SOX10: variants seen among roughly 807,000 people sequenced by gnomAD.
SOX10 encodes the protein SRY-box transcription factor 10.
SOX10 carries 3 observed loss-of-function variants against 35.0 expected under a neutral mutation model. The observed-to-expected ratio is 0.09, with a 90% CI of 0.04 to 0.22. The LOEUF (loss-of-function observed/expected upper bound fraction) is 0.22, where lower values mean the gene tolerates loss of function less well. Among genes scored for constraint, SOX10 ranks in the 10% least tolerant of loss-of-function variants. SOX10 has a pLI of 1.00. For missense variants in SOX10, 436 were observed against 655.1 expected (o/e 0.67, Z 3.65); for synonymous variants, 285 against 291.0 (o/e 0.98, Z 0.21).
intron 2 of SOX10, among the ~76,000 whole-genome samples, chr22:37,981,065 T>C (rs1451589737): frequency 6.6e-6 from 1 of 152,224 alleles, no homozygotes. Context: ...TTAGAATGAC[T>C]GTTGGGGCTG....
In SOX10 at chr22:37,978,832, A is replaced by G. The variant is rs1932305718; in HGVS notation, c.429-697T>C. Among the ~76,000 whole-genome samples, 1 of 151,858 alleles carries G rather than the reference A, an allele frequency of 6.6e-6. No homozygotes were observed. Among genetic ancestry groups the G allele is most frequent in the Non-Finnish European group, 1.5e-5 (1 of 67,966 alleles). On this transcript the variant is annotated intron_variant, in intron 2 of 3. Transcript: ENST00000396884. This position sits in a 1 kb window ranked among gnomAD's most constrained non-coding sequence, Gnocchi z 5.0. ...CACTCTGTCACCCATGCTAGAGCTC[A>G]GTGGTATGATCTCAGCTCACTGCAA...
At position 37,974,347 on chromosome 22, in the gene SOX10, G is replaced by GTT. The variant is rs916489152; in HGVS notation, c.698-151_698-150dup. ...TTCACATTTTGGCAGCATGAGTCGG[G>GTT]TTTTTTTTTGTTTTTTTTTTTTGAG... On this transcript the variant is annotated intron_variant, in intron 3 of 3. Transcript: ENST00000396884. The surrounding 1 kb of genome is among the most constrained non-coding windows in gnomAD (Gnocchi z 5.4). 4.7e-4 allele frequency: 274 copies of GTT among 583,812 alleles called. 2 individuals are homozygous for GTT. The African/African-American group carries it at 4.8e-3, about 10-fold the overall frequency. 36.2% of individuals were successfully genotyped at this position (583,812 alleles called of 1,614,324 possible). A position where few individuals can be genotyped will look rare whatever the true frequency, so the allele number is the denominator to read the frequency against.
chr22:37,979,725 G>A (rs1932337277), intron 2 of SOX10, among the ~76,000 whole-genome samples: 1 of 152,136 alleles, frequency 6.6e-6, no homozygotes. Context: ...GTTGGAGGGT[G>A]GAGGGCATTT....
chr22:37,982,393 G>A (rs576253688), intron 2 of SOX10, among the ~76,000 whole-genome samples: 14 of 152,224 alleles, frequency 9.2e-5, no homozygotes, highest in Admixed American at 7.8e-4. Flanking sequence ...TGGCACTCCC[G>A]GGTGGGAGTG....
rs2145777154 is a variant in SOX10 at position 37,983,498 on chromosome 22, C to T, written c.287G>A (p.Gly96Asp). ...TLVPMPVRVN[G>D]ASKSKPHVKR... ...GACGTGCGGCTTGCTTTTGCTGGCG[C>T]CGTTGACGCGCACGGGCATGGGCAC... is the stretch of plus-strand genomic sequence containing the variant. Residue 96 changes from glycine to aspartate, a missense_variant, in exon 2 of 4, where the codon GGC becomes GAC. Transcript: ENST00000396884. This position sits in a 1 kb window ranked among gnomAD's most constrained non-coding sequence, Gnocchi z 9.5. 5 of 1,611,262 alleles carry T rather than the reference C, an allele frequency of 3.1e-6. No homozygotes were observed. Among genetic ancestry groups the T allele is most frequent in the South Asian group, 1.1e-5 (1 of 90,798 alleles).
At chr22:37,976,580 A>G (rs1035934750) in intron 3 of SOX10, among the ~76,000 whole-genome samples, 2 of 152,172 alleles carry the variant, frequency 1.3e-5, no homozygotes, top group African/African-American at 4.8e-5. Flanking sequence ...CTTTCTGTAC[A>G]TTAGGAACAC....
chr22:37,980,768 T>C lies in SOX10; in HGVS notation c.428+2589A>G, dbSNP rs977153552. ...GGAATGGGGGCAAGAAGAGGTAGGCTGATTCCTCACCCAAACTGGAAACCC... is the reference window on the plus strand; with the variant it reads ...GGAATGGGGGCAAGAAGAGGTAGGCCGATTCCTCACCCAAACTGGAAACCC... On this transcript the variant is annotated intron_variant, in intron 2 of 3. Coordinates refer to ENST00000396884, the MANE Select transcript of SOX10 (RefSeq NM_006941.4). This position sits in a 1 kb window ranked among gnomAD's most constrained non-coding sequence, Gnocchi z 4.1. Among the ~76,000 whole-genome samples, 4 of 152,230 alleles carry C rather than the reference T, an allele frequency of 2.6e-5. No homozygotes were observed. Among genetic ancestry groups the C allele is most frequent in the Admixed American group, 6.5e-5 (1 of 15,278 alleles).
Position 37,983,856 on chromosome 22 carries a change from G to A in SOX10, c.-72C>T, listed in dbSNP as rs1381948918. 6.3e-6 allele frequency: 8 copies of A among 1,271,422 alleles called. No individual in the cohort carries two copies. The Admixed American group carries it at 2.4e-4, about 38-fold the overall frequency. 78.8% of individuals were successfully genotyped at this position (1,271,422 alleles called of 1,614,324 possible). ...CCAGCCGCCGGGGTCCTCGCAAAGAGTCCAACGCCCACCTGGATGGAAGGA... is the reference window on the plus strand; with the variant it reads ...CCAGCCGCCGGGGTCCTCGCAAAGAATCCAACGCCCACCTGGATGGAAGGA... On this transcript the variant is annotated 5_prime_UTR_variant, in exon 2 of 4. Coordinates refer to ENST00000396884, the MANE Select transcript of SOX10 (RefSeq NM_006941.4). The surrounding 1 kb of genome is among the most constrained non-coding windows in gnomAD (Gnocchi z 9.5).
rs1601887308 is a variant in SOX10 at position 37,983,807 on chromosome 22, G to GCCT, written c.-24_-23insAGG. On this transcript the variant is annotated 5_prime_UTR_variant, in exon 2 of 4. Coordinates refer to ENST00000396884, the MANE Select transcript of SOX10 (RefSeq NM_006941.4). The surrounding 1 kb of genome is among the most constrained non-coding windows in gnomAD (Gnocchi z 9.5). ...CATGTCGCCCCCGGCCGCCGCCGCC[G>GCCT]CCGCCTCGGCCGCCTCCCCCGGGCC... 1.4e-6 allele frequency: 2 copies of GCCT among 1,405,536 alleles called. No homozygotes were observed. Among genetic ancestry groups the GCCT allele is most frequent in the African/African-American group, 3.1e-5 (2 of 65,134 alleles). 87.1% of individuals were successfully genotyped at this position (1,405,536 alleles called of 1,614,324 possible). A position where few individuals can be genotyped will look rare whatever the true frequency, so the allele number is the denominator to read the frequency against.
At position 37,980,293 on chromosome 22, in the gene SOX10, C is replaced by G. The variant is rs1932357693; in HGVS notation, c.429-2158G>C. Among the ~76,000 whole-genome samples, 1 of 152,068 alleles carries G rather than the reference C, an allele frequency of 6.6e-6. No individual in the cohort carries two copies. Among genetic ancestry groups the G allele is most frequent in the Admixed American group, 6.5e-5 (1 of 15,274 alleles). ...AGAGCTGCTCCGCCAGCAGTGGACC[C>G]CAACAGAGGGGCTTCTGGGATGGCT... On this transcript the variant is annotated intron_variant, in intron 2 of 3. Transcript: ENST00000396884. The surrounding 1 kb of genome is among the most constrained non-coding windows in gnomAD (Gnocchi z 4.1).
In SOX10 at chr22:37,973,292, C is replaced by G; in HGVS notation, c.*203G>C. On this transcript the variant is annotated 3_prime_UTR_variant, in exon 4 of 4. Coordinates refer to ENST00000396884, the MANE Select transcript of SOX10 (RefSeq NM_006941.4). ...CTCCTTCTCCTCTGTCCAGCCTGTT[C>G]TCCTGGGGCTTTGCTGCTGGAGCCT... 3.5e-6 allele frequency: 2 copies of G among 563,918 alleles called. No individual in the cohort carries two copies. The highest frequency in any genetic ancestry group is 3.2e-6 in the Non-Finnish European group (1 of 317,144). 34.9% of individuals were successfully genotyped at this position (563,918 alleles called of 1,614,324 possible). A position where few individuals can be genotyped will look rare whatever the true frequency, so the allele number is the denominator to read the frequency against.
rs1932115406 is a variant in SOX10, at chr22:37,973,341, G to A, written c.*154C>T. ...CTGGATGGGGCGGGTGGGTCATCAG[G>A]GCAGTGAGCCAGACAGAAAGCCCCC... On this transcript the variant is annotated 3_prime_UTR_variant, in exon 4 of 4. Coordinates refer to ENST00000396884, the MANE Select transcript of SOX10 (RefSeq NM_006941.4). 9.9e-6 allele frequency: 6 copies of A among 604,530 alleles called. No individual in the cohort carries two copies. Among genetic ancestry groups the A allele is most frequent in the Admixed American group, 3.0e-5 (1 of 33,706 alleles). 37.4% of individuals were successfully genotyped at this position (604,530 alleles called of 1,614,324 possible).
chr22:37,977,963 C>T lies in SOX10; in HGVS notation c.601G>A (p.Ala201Thr), dbSNP rs61756177. 22 of 1,612,016 alleles carry T rather than the reference C, an allele frequency of 1.4e-5. No homozygotes were observed. The highest frequency in any genetic ancestry group is 1.7e-4 in the Middle Eastern group (1 of 5,974). ...PGGEAEQGGTAAIQAHYKSAH... is the reference protein window; with the variant it reads ...PGGEAEQGGTTAIQAHYKSAH... ...CTCTTGTAGTGGGCCTGGATGGCGG[C>T]GGTCCCACCTTGCTCGGCCTCCCCA... is the stretch of plus-strand genomic sequence containing the variant. The change falls in exon 3 of 4, where the codon GCC (alanine) becomes ACC (threonine). Residue 201 changes from alanine (A) to threonine (T), a missense_variant. Transcript: ENST00000396884.
At position 37,983,279 on chromosome 22, in the gene SOX10, G is replaced by C; in HGVS notation, c.428+78C>G. On this transcript the variant is annotated intron_variant, in intron 2 of 3. Coordinates refer to ENST00000396884, the MANE Select transcript of SOX10 (RefSeq NM_006941.4). This position sits in a 1 kb window ranked among gnomAD's most constrained non-coding sequence, Gnocchi z 9.5. ...CCAGACAGTCCCGCTCTGAGGTGCAGGAGGCCGGGCCGCCTCGGCTACCCT... is the reference window on the plus strand; with the variant it reads ...CCAGACAGTCCCGCTCTGAGGTGCACGAGGCCGGGCCGCCTCGGCTACCCT... The C allele has an allele frequency of 1.3e-6, 2 of 1,499,626 alleles. No individual in the cohort carries two copies. The highest frequency in any genetic ancestry group is 2.4e-5 in the South Asian group (2 of 83,398). 92.9% of individuals were successfully genotyped at this position (1,499,626 alleles called of 1,614,324 possible). A position where few individuals can be genotyped will look rare whatever the true frequency, so the allele number is the denominator to read the frequency against.
chr22:37,978,811 C>CTTT lies in SOX10; in HGVS notation c.429-677_429-676insAAA, dbSNP rs1932305032. On this transcript the variant is annotated intron_variant, in intron 2 of 3. Transcript: ENST00000396884. This position sits in a 1 kb window ranked among gnomAD's most constrained non-coding sequence, Gnocchi z 5.0. ...TTTTTTTCTGTGAGGGAATCTCACT[C>CTTT]TGTCACCCATGCTAGAGCTCAGTGG... Among the ~76,000 whole-genome samples, 1 of 152,078 alleles carries CTTT rather than the reference C, an allele frequency of 6.6e-6. No individual in the cohort carries two copies. Among genetic ancestry groups the CTTT allele is most frequent in the South Asian group, 2.1e-4 (1 of 4,830 alleles).
chr22:37,976,461 C>A (rs1932224046), intron 3 of SOX10, among the ~76,000 whole-genome samples: 1 of 152,200 alleles, frequency 6.6e-6, no homozygotes, highest in South Asian at 2.1e-4. Flanking sequence ...TGGTTAGTAC[C>A]CCTGGTGTCC....
In SOX10 at chr22:37,973,247, G is replaced by A; in HGVS notation, c.*248C>T. 2.1e-6 allele frequency: 1 copy of A among 471,852 alleles called. No individual in the cohort carries two copies. Among genetic ancestry groups the A allele is most frequent in the East Asian group, 3.2e-5 (1 of 31,384 alleles). The allele number at this position is 471,852 out of a possible 1,614,324, so 29.2% of individuals were successfully genotyped here. ...GGAAGGTGCAGCCCCTCATCTTTCA[G>A]TGTGGGTGCAACAGTCAACCTCCTT... On this transcript the variant is annotated 3_prime_UTR_variant, in exon 4 of 4. Transcript: ENST00000396884.
chr22:37,977,608 C>T (rs1029208288), intron 3 of SOX10, among the ~76,000 whole-genome samples: 2 of 152,124 alleles, frequency 1.3e-5, no homozygotes, highest in Non-Finnish European at 2.9e-5. Context: ...GTGTGAGCCA[C>T]CACACCCGGC....
rs1008368680 is a variant in SOX10 at position 37,974,498 on chromosome 22, G to A, written c.698-300C>T. 2.6e-5 allele frequency among the ~76,000 whole-genome samples: 4 copies of A among 152,036 alleles called. No homozygotes were observed. The highest frequency in any genetic ancestry group is 4.2e-4 in the South Asian group (2 of 4,796). On this transcript the variant is annotated intron_variant, in intron 3 of 3. Coordinates refer to ENST00000396884, the MANE Select transcript of SOX10 (RefSeq NM_006941.4). The surrounding 1 kb of genome is among the most constrained non-coding windows in gnomAD (Gnocchi z 5.4). ...CTCCTGAGTAGCTGGAATTACAAGC[G>A]CCCACCACAATGCCCAGCTAATTTG...
Sources: gnomAD v4.1 joint callset for allele counts (sites outside exome capture counted in the v4.1 genomes callset) on GRCh38, gnomAD v4.1.1 for gene constraint, Gnocchi (gnomAD v3.1) non-coding constraint, MANE v1.5 for transcripts, NCBI Gene and HGNC (gene_info 2026-07-23, HGNC 2026-07-21) for gene names.